The following CELF2 variants were observed in gnomAD, a reference collection of about 807,000 sequenced individuals.
The protein encoded by CELF2 is CUG triplet repeat RNA-binding protein 2.
A neutral mutation model predicts 62.6 loss-of-function variants in CELF2; 8 were observed. That is an observed-to-expected ratio of 0.13 (90% CI 0.07 to 0.23). The LOEUF is 0.23. CELF2 is among the 10% of genes least tolerant of loss of function. CELF2 has a pLI of 1.00. For synonymous variants in CELF2, 258 were observed against 250.0 expected, an observed-to-expected ratio of 1.03 and a Z score of -0.30; for missense variants, 333 against 671.0, an observed-to-expected ratio of 0.50 and a Z score of 5.56.
chr10:10,554,584 C>T, the CELF2 span, among the ~76,000 whole-genome samples: 1 of 152,180 alleles, frequency 6.6e-6, no homozygotes, highest in Admixed American at 6.5e-5. Context: ...TCCTCCTGCA[C>T]AGGTCAGTCT....
chr10:11,019,603 A>G (rs1366499856), intron 1 of CELF2, among the ~76,000 whole-genome samples: 5 of 151,836 alleles, frequency 3.3e-5, no homozygotes, highest in Non-Finnish European at 5.9e-5. Flanking sequence ...AAAAAAAAGG[A>G]GGGGGGTGGA....
At chr10:10,748,552 T>G in the CELF2 span, among the ~76,000 whole-genome samples, 1 of 151,512 alleles carries the variant, frequency 6.6e-6, no homozygotes, top group Non-Finnish European at 1.5e-5. Flanking sequence ...ATCGAGACCA[T>G]CCTGGCTAGC....
At chr10:10,490,308 G>T in the CELF2 span, among the ~76,000 whole-genome samples, 1 of 152,170 alleles carries the variant, frequency 6.6e-6, no homozygotes, top group Non-Finnish European at 1.5e-5. Flanking sequence ...AAATTGTCAT[G>T]AGCAGAAATC....
At chr10:10,690,621 T>A in the CELF2 span, among the ~76,000 whole-genome samples, 5 of 152,174 alleles carry the variant, frequency 3.3e-5, no homozygotes, top group African/African-American at 1.2e-4. Context: ...GGTGCATGCC[T>A]ATAATCTCAG....
At chr10:10,645,399 T>A in the CELF2 span, among the ~76,000 whole-genome samples, 2 of 152,152 alleles carry the variant, frequency 1.3e-5, no homozygotes, top group African/African-American at 4.8e-5. Flanking sequence ...ATGCCTATAA[T>A]CCCAGCACTT....
the CELF2 span, among the ~76,000 whole-genome samples, chr10:10,708,113 G>A: frequency 6.6e-6 from 1 of 152,146 alleles, no homozygotes; most frequent in Admixed American, 6.5e-5. Context: ...CCACATATTT[G>A]AGGCAGGGAG....
intron 1 of CELF2, among the ~76,000 whole-genome samples, chr10:10,804,614 T>C (rs2055015842): frequency 6.6e-6 from 1 of 152,274 alleles, no homozygotes; most frequent in Non-Finnish European, 1.5e-5. Flanking sequence ...TATGGTTTAC[T>C]GCATCCCTTA....
chr10:11,103,331 ATTT>A (rs3054362), intron 1 of CELF2, among the ~76,000 whole-genome samples: 8,445 of 145,390 alleles, frequency 0.058, 265 homozygotes, highest in African/African-American at 0.074. Context: ...TACATTATGG[ATTT>A]TTTTTTTTTT....
Position 11,242,362 on chromosome 10 carries a change from C to G in CELF2, c.355-6791C>G, listed in dbSNP as rs185213026. Reference sequence around the variant, plus strand: ...AGCCAGCTGTGCCCCCTGCCCGCAGCTGCTTCCTTCCCCCAGGACTCTGTC... The same window carrying G: ...AGCCAGCTGTGCCCCCTGCCCGCAGGTGCTTCCTTCCCCCAGGACTCTGTC... On this transcript the variant is annotated intron_variant, in intron 3 of 12. Coordinates refer to ENST00000633077, the MANE Select transcript of CELF2 (RefSeq NM_001326342.2). The surrounding 1 kb of genome is among the most constrained non-coding windows in gnomAD (Gnocchi z 4.8). Among the ~76,000 whole-genome samples, 10 of 152,318 alleles carry G rather than the reference C, an allele frequency of 6.6e-5. No homozygotes were observed. The East Asian group carries it at 1.5e-3, about 24-fold the overall frequency.
At chr10:11,132,035 A>AT (rs1232758328) in intron 1 of CELF2, among the ~76,000 whole-genome samples, 1 of 152,210 alleles carries the variant, frequency 6.6e-6, no homozygotes, top group Non-Finnish European at 1.5e-5. Flanking sequence ...ATATTCAAGC[A>AT]TTTTTTGACA....
chr10:11,147,703 A>G (rs2062541698), intron 1 of CELF2, among the ~76,000 whole-genome samples: 1 of 152,254 alleles, frequency 6.6e-6, no homozygotes, highest in Non-Finnish European at 1.5e-5. Context: ...TGCAGAATTT[A>G]AGTTACAGAA....
intron 1 of CELF2, among the ~76,000 whole-genome samples, chr10:10,887,304 T>C (rs934371795): frequency 1.2e-4 from 19 of 152,186 alleles, no homozygotes; most frequent in African/African-American, 4.1e-4. Flanking sequence ...GCACGTGAAG[T>C]TCAACTGTGA....
At chr10:10,968,936 T>C (rs566969078) in intron 2 of CELF2, among the ~76,000 whole-genome samples, 5 of 152,214 alleles carry the variant, frequency 3.3e-5, no homozygotes, top group Admixed American at 6.5e-5. Flanking sequence ...AACAGGCCTT[T>C]TTTTCTTGTT....
At chr10:10,762,922 G>A in the CELF2 span, among the ~76,000 whole-genome samples, 2 of 152,160 alleles carry the variant, frequency 1.3e-5, no homozygotes, top group Non-Finnish European at 1.5e-5. Context: ...CTGGGTGACA[G>A]AGCAAGACTC....
intron 2 of CELF2, among the ~76,000 whole-genome samples, chr10:10,945,271 CAT>C (rs1311292151): frequency 6.6e-6 from 1 of 152,198 alleles, no homozygotes; most frequent in Non-Finnish European, 1.5e-5. Context: ...CCTTCGGCTT[CAT>C]GCAGTAGCCT....
chr10:10,582,858 C>CATTAAAAA, the CELF2 span, among the ~76,000 whole-genome samples: 3 of 152,136 alleles, frequency 2.0e-5, no homozygotes, highest in Non-Finnish European at 2.9e-5. Flanking sequence ...CTCAAATTTG[C>CATTAAAAA]ATTAATACAA....
At chr10:10,960,745 T>C (rs941767368) in intron 2 of CELF2, among the ~76,000 whole-genome samples, 1 of 152,240 alleles carries the variant, frequency 6.6e-6, no homozygotes, top group Non-Finnish European at 1.5e-5. Context: ...GCTGGCTGGT[T>C]GTTTAGCTCA....
chr10:10,494,020 C>T, the CELF2 span, among the ~76,000 whole-genome samples: 1 of 152,186 alleles, frequency 6.6e-6, no homozygotes, highest in Non-Finnish European at 1.5e-5. Flanking sequence ...CTCAGGGGCC[C>T]TGAAGTGTTT....
chr10:10,576,444 A>G, the CELF2 span, among the ~76,000 whole-genome samples: 2 of 152,166 alleles, frequency 1.3e-5, no homozygotes, highest in Non-Finnish European at 2.9e-5. Flanking sequence ...AAGGCTTGCA[A>G]TGCTTCTAAC....
Sources: gnomAD v4.1 joint callset for allele counts (sites outside exome capture counted in the v4.1 genomes callset) on GRCh38, gnomAD v4.1.1 for gene constraint, Gnocchi (gnomAD v3.1) non-coding constraint, MANE v1.5 for transcripts, NCBI Gene and HGNC (gene_info 2026-07-23, HGNC 2026-07-21) for gene names.